Variants in SLC9C2 observed in about 807,000 individuals in gnomAD.
The protein encoded by SLC9C2 is solute carrier family 9 member C2 (putative), also known as sodium/hydrogen exchanger 11.
Under a neutral mutation model 140.2 loss-of-function variants are expected in SLC9C2, and 75 were observed. The ratio of observed to expected loss-of-function variants is 0.53; its 90% CI spans 0.44 to 0.65. The LOEUF (loss-of-function observed/expected upper bound fraction) is 0.65. Among genes scored for constraint, SLC9C2 ranks in the 30% least tolerant of loss-of-function variants. The probability of loss-of-function intolerance (pLI) is 0.00; values close to 1 mark genes in which losing one functional copy is unlikely to be tolerated. For missense variants in SLC9C2, 1,074 were observed against 1,331.8 expected, an observed-to-expected ratio of 0.81 and a Z score of 3.01; for synonymous variants, 375 against 420.9, an observed-to-expected ratio of 0.89 and a Z score of 1.34.
At chr1:173,524,146 G>T (rs1366219295) in intron 20 of SLC9C2, 52 bp from the exon 21 acceptor site, 2 of 1,496,332 alleles carry the variant, frequency 1.3e-6, no homozygotes, top group South Asian at 1.3e-5. Flanking sequence ...ACAGAAAATG[G>T]ACACTAGGGA....
chr1:173,530,633 C>G (rs1276281696), intron 17 of SLC9C2, among the ~76,000 whole-genome samples: 1 of 152,214 alleles, frequency 6.6e-6, no homozygotes, highest in Non-Finnish European at 1.5e-5. Flanking sequence ...TTCACCAGCT[C>G]TGTGACCTTG....
At chr1:173,538,047 A>G (rs555539318) in intron 13 of SLC9C2, among the ~76,000 whole-genome samples, 3 of 152,342 alleles carry the variant, frequency 2.0e-5, no homozygotes, top group South Asian at 2.1e-4. Context: ...GAGAATTCAC[A>G]CCACTTATAT....
At chr1:173,504,757 T>C (rs1215497916) in intron 26 of SLC9C2, among the ~76,000 whole-genome samples, 1 of 152,226 alleles carries the variant, frequency 6.6e-6, no homozygotes, top group Non-Finnish European at 1.5e-5. Flanking sequence ...CTAATAAATG[T>C]AACTATAGCT....
chr1:173,570,655 C>T (rs1456795717), intron 9 of SLC9C2, among the ~76,000 whole-genome samples: 1 of 152,182 alleles, frequency 6.6e-6, no homozygotes, highest in East Asian at 1.9e-4. Flanking sequence ...AGGCTGCCTT[C>T]CAAGTTCACT....
Position 173,548,422 on chromosome 1 carries a change from T to G in SLC9C2, c.1428A>C (p.Leu476Phe), listed in dbSNP as rs1363496787. Residue 476 changes from leucine (L) to phenylalanine (F), a missense_variant, in exon 12 of 28, where the codon TTA becomes TTC. By Grantham distance (22) the Leu-to-Phe change is conservative. Transcript: ENST00000367714. Reference protein sequence around the residue: ...EKILTNVNWTLVEDKTRIEYI... With the variant: ...EKILTNVNWTFVEDKTRIEYI... ...ATTCGATCCTCGTTTTATCTTCTAC[T>G]AAGGTCCAGTTAACATTTGTCAAAA... 6.2e-7 allele frequency: 1 copy of G among 1,613,516 alleles called. No homozygotes were observed. Among genetic ancestry groups the G allele is most frequent in the East Asian group, 2.2e-5 (1 of 44,876 alleles).
chr1:173,505,166 C>T (rs1659545220), intron 26 of SLC9C2, 81 bp downstream of exon 26: 4 of 1,210,158 alleles, frequency 3.3e-6, no homozygotes, highest in Non-Finnish European at 3.6e-6. Context: ...TCTCAAATCA[C>T]TTTCTTAGAG....
intron 19 of SLC9C2, 110 bp from the exon 20 acceptor site, chr1:173,525,037 T>G: frequency 8.4e-7 from 1 of 1,196,690 alleles, no homozygotes; most frequent in Non-Finnish European, 1.1e-6. Flanking sequence ...ATTCTTTGAT[T>G]CTAGTTTCAT....
In SLC9C2 at chr1:173,511,029, C is replaced by CTTTTTTTTTTTTTT. The variant is rs71111066; in HGVS notation, c.2908-1344_2908-1331dup. On this transcript the variant is annotated intron_variant, in intron 23 of 27. Coordinates refer to ENST00000367714, the MANE Select transcript of SLC9C2 (RefSeq NM_178527.4). ...CCTGGATTTTTTTTCCTTTCTTTTCCTTTTTTTTTTTTTTTTTTTTTTTTG... is the reference window on the plus strand; with the variant it reads ...CCTGGATTTTTTTTCCTTTCTTTTCCTTTTTTTTTTTTTTTTTTTTTTTTTTTTTTTTTTTTTTG... 6.6e-4 allele frequency among the ~76,000 whole-genome samples: 57 copies of CTTTTTTTTTTTTTT among 86,748 alleles called. 2 individuals are homozygous for CTTTTTTTTTTTTTT. The highest frequency in any genetic ancestry group is 1.7e-3 in the African/African-American group (32 of 18,324). 56.9% of individuals were successfully genotyped at this position (86,748 alleles called of 152,430 possible). A position where few individuals can be genotyped will look rare whatever the true frequency, so the allele number is the denominator to read the frequency against.
In SLC9C2 at chr1:173,533,602, A is replaced by G. The variant is rs374871730; in HGVS notation, c.2163+7T>C. 1.0e-5 allele frequency: 16 copies of G among 1,565,678 alleles called. No homozygotes were observed. Among genetic ancestry groups the G allele is most frequent in the African/African-American group, 1.4e-5 (1 of 72,516 alleles). On this transcript the variant is annotated splice_region_variant and intron_variant, in intron 17 of 27. Coordinates refer to ENST00000367714, the MANE Select transcript of SLC9C2 (RefSeq NM_178527.4). ...AAATCTTAATATTTTAAAATGTGAA[A>G]TCTTACCTTGAAGAGAGGAAGAAAC...
intron 13 of SLC9C2, among the ~76,000 whole-genome samples, chr1:173,546,813 G>T (rs1662882314): frequency 6.6e-6 from 1 of 151,920 alleles, no homozygotes; most frequent in Non-Finnish European, 1.5e-5. Context: ...TGTTATTAAG[G>T]AATTATTGTT....
intron 10 of SLC9C2, chr1:173,555,345 C>T (rs1250396101): frequency 6.6e-6 from 1 of 152,394 alleles, no homozygotes; most frequent in Non-Finnish European, 1.5e-5. Flanking sequence ...ATGACTTTGC[C>T]ATTTCTTAGC....
At chr1:173,513,638 G>A (rs1660204480) in intron 23 of SLC9C2, among the ~76,000 whole-genome samples, 3 of 151,830 alleles carry the variant, frequency 2.0e-5, no homozygotes, top group African/African-American at 7.3e-5. Context: ...AGGGTTTTTT[G>A]TGTCTCTGTC....
intron 3 of SLC9C2, among the ~76,000 whole-genome samples, chr1:173,598,799 G>A (rs546234643): frequency 2.0e-5 from 3 of 152,148 alleles, no homozygotes; most frequent in Non-Finnish European, 4.4e-5. Flanking sequence ...CTGGCACTTA[G>A]TAAACACTCT....
In SLC9C2 at chr1:173,601,703, AG is replaced by A. The variant is rs762901216; in HGVS notation, c.73del (p.Val26LeufsTer20). ...CGTTGTGAAATGTTTCTCTTCAACA[AG>A]GTAGTCAGCTGGCTGCCCGCAGAGT... ...DLLCGQPADY[L>X]VEEKHFTTLV... is the part of the protein sequence containing the mutation. On this transcript the variant is annotated frameshift_variant, in exon 2 of 28. Coordinates refer to ENST00000367714, the MANE Select transcript of SLC9C2 (RefSeq NM_178527.4). LOFTEE classifies it high-confidence loss of function. The A allele has an allele frequency of 1.9e-6, 3 of 1,614,032 alleles. No individual in the cohort carries two copies. Among genetic ancestry groups the A allele is most frequent in the Admixed American group, 1.7e-5 (1 of 60,010 alleles).
At chr1:173,556,931 A>AAAAATTTCTCAAAAAATTTCTC (rs1663748122) in intron 10 of SLC9C2, among the ~76,000 whole-genome samples, 1 of 150,778 alleles carries the variant, frequency 6.6e-6, no homozygotes, top group African/African-American at 2.4e-5. Context: ...TTGTCTCAAA[A>AAAAATTTCTCAAAAAATTTCTC]AAAAAAAAAA....
intron 4 of SLC9C2, among the ~76,000 whole-genome samples, chr1:173,591,468 G>A (rs767020974): frequency 2.0e-5 from 3 of 151,968 alleles, no homozygotes; most frequent in Non-Finnish European, 2.9e-5. Context: ...TTCCACAGTG[G>A]TTGAACTAAT....
At chr1:173,590,709 C>A (rs908453590) in intron 4 of SLC9C2, among the ~76,000 whole-genome samples, 8 of 152,060 alleles carry the variant, frequency 5.3e-5, no homozygotes, top group African/African-American at 1.7e-4. Context: ...TATCTGATAA[C>A]AGAGATGGCC....
chr1:173,541,503 G>T (rs1365528083), intron 13 of SLC9C2, among the ~76,000 whole-genome samples: 3 of 152,192 alleles, frequency 2.0e-5, no homozygotes, highest in African/African-American at 7.2e-5. Context: ...TCTGCACCAA[G>T]TGGACCTAAT....
chr1:173,513,328 C>T (rs1432648090), intron 23 of SLC9C2, among the ~76,000 whole-genome samples: 2 of 152,144 alleles, frequency 1.3e-5, no homozygotes, highest in Non-Finnish European at 2.9e-5. Context: ...TTAATTACTG[C>T]TTCAATTTCA....
Sources: gnomAD v4.1 joint callset for allele counts (sites outside exome capture counted in the v4.1 genomes callset) on GRCh38, gnomAD v4.1.1 for gene constraint, MANE v1.5 for transcripts, NCBI Gene and HGNC (gene_info 2026-07-23, HGNC 2026-07-21) for gene names.